SRGAP1: variants seen among roughly 807,000 people sequenced by gnomAD.
The protein encoded by SRGAP1 is SLIT-ROBO Rho GTPase activating protein 1, also known as SLIT-ROBO Rho GTPase-activating protein 1.
In SRGAP1, 43 loss-of-function variants were observed where a neutral mutation model predicts 121.9. The observed-to-expected ratio is 0.35, with a 90% CI of 0.28 to 0.46. The LOEUF (loss-of-function observed/expected upper bound fraction) is 0.46, where lower values mean the gene tolerates loss of function less well. SRGAP1 is among the 20% of genes least tolerant of loss of function. SRGAP1 has a pLI of 1.00. For missense variants in SRGAP1, 1,102 were observed against 1,350.9 expected (o/e 0.82, Z 2.89); for synonymous variants, 447 against 485.4 (o/e 0.92, Z 1.04).
chr12:63,856,147 C>A (rs113952959), intron 1 of SRGAP1, among the ~76,000 whole-genome samples: 43,051 of 151,820 alleles, frequency 0.28, 7,043 homozygotes, highest in East Asian at 0.55. Context: ...AATCCCAGCT[C>A]CTTGGGAGGC....
At chr12:63,893,509 A>G (rs1900654232) in intron 1 of SRGAP1, among the ~76,000 whole-genome samples, 1 of 152,210 alleles carries the variant, frequency 6.6e-6, no homozygotes, top group Non-Finnish European at 1.5e-5. Flanking sequence ...TCTCAGCTAC[A>G]GTCACCAAAT....
At chr12:63,872,889 A>G (rs1899901297) in intron 1 of SRGAP1, among the ~76,000 whole-genome samples, 1 of 152,222 alleles carries the variant, frequency 6.6e-6, no homozygotes, top group Admixed American at 6.5e-5. Context: ...GAAGAAATTC[A>G]TTCTGCCTGG....
chr12:63,959,361 G>A (rs2136377224), intron 1 of SRGAP1, among the ~76,000 whole-genome samples: 1 of 152,134 alleles, frequency 6.6e-6, no homozygotes, highest in Admixed American at 6.5e-5. Context: ...CAGTATTGGT[G>A]CCAGGACAGC....
rs536625324 is a variant in SRGAP1 at position 64,133,048 on chromosome 12, C to A, written c.2880+4848C>A. On this transcript the variant is annotated intron_variant, in intron 21 of 21. Transcript: ENST00000355086. ...TGGAGTCACCACTTGGTTAAGCTTA[C>A]AATAATCCACTGTCATTCTCCAGAA... Among the ~76,000 whole-genome samples, 189 of 152,300 alleles carry A rather than the reference C, an allele frequency of 1.2e-3. 2 individuals carry two copies. The highest frequency in any genetic ancestry group is 4.4e-3 in the African/African-American group (184 of 41,560).
intron 8 of SRGAP1, among the ~76,000 whole-genome samples, chr12:64,076,472 G>A (rs1266574955): frequency 6.6e-6 from 1 of 152,142 alleles, no homozygotes; most frequent in Non-Finnish European, 1.5e-5. Flanking sequence ...TAAGAAAGCA[G>A]TGGGTGAGTT....
At chr12:64,040,719 G>A (rs1378778) in intron 4 of SRGAP1, among the ~76,000 whole-genome samples, 87,388 of 151,910 alleles carry the variant, frequency 0.58, 25,639 homozygotes, top group South Asian at 0.67. Context: ...CGATTTATAG[G>A]TACCGTTATA....
chr12:63,889,767 G>C (rs1565937898), intron 1 of SRGAP1, among the ~76,000 whole-genome samples: 2 of 152,110 alleles, frequency 1.3e-5, no homozygotes, highest in African/African-American at 2.4e-5. Flanking sequence ...AATTAGCCGG[G>C]TGTGGTGTGA....
At chr12:64,058,086 A>G (rs1208967015) in intron 6 of SRGAP1, among the ~76,000 whole-genome samples, 1 of 152,198 alleles carries the variant, frequency 6.6e-6, no homozygotes, top group Admixed American at 6.5e-5. Context: ...GTTATACCTA[A>G]CATTACACAT....
At chr12:64,037,713 A>C (rs2034929666) in intron 4 of SRGAP1, among the ~76,000 whole-genome samples, 1 of 152,126 alleles carries the variant, frequency 6.6e-6, no homozygotes, top group Non-Finnish European at 1.5e-5. Context: ...CCTTATTAGA[A>C]CTTTGCTTGT....
chr12:63,862,840 T>G (rs922595055), intron 1 of SRGAP1, among the ~76,000 whole-genome samples: 8 of 152,190 alleles, frequency 5.3e-5, no homozygotes, highest in Admixed American at 1.3e-4. Flanking sequence ...CAAGTACCAT[T>G]TAGTTGAATT....
intron 3 of SRGAP1, among the ~76,000 whole-genome samples, chr12:64,001,174 T>TAA (rs1334089003): frequency 6.6e-6 from 1 of 152,136 alleles, no homozygotes; most frequent in African/African-American, 2.4e-5. Context: ...GTCTTATATA[T>TAA]AATATTAAAT....
intron 3 of SRGAP1, among the ~76,000 whole-genome samples, chr12:64,008,825 C>T (rs990540028): frequency 2.6e-5 from 4 of 152,112 alleles, no homozygotes; most frequent in Admixed American, 1.3e-4. Context: ...GAGCAAATTT[C>T]CTGCTTGTTG....
chr12:63,931,154 A>C (rs1239891053), intron 1 of SRGAP1, among the ~76,000 whole-genome samples: 5 of 152,216 alleles, frequency 3.3e-5, no homozygotes, highest in Non-Finnish European at 7.3e-5. Context: ...AGTTTTGGCC[A>C]GATGATTCAC....
Position 63,861,303 on chromosome 12 carries a change from T to TATATATATA in SRGAP1, c.67+16420_67+16421insATATATATA, listed in dbSNP as rs528177943. Among the ~76,000 whole-genome samples the TATATATATA allele has an allele frequency of 1.9e-3, 228 of 120,930 alleles. 2 individuals are homozygous for TATATATATA. In the East Asian group the frequency reaches 0.02, roughly 10 times the overall value. The allele number at this position is 120,930 out of a possible 152,430, so 79.3% of individuals were successfully genotyped here. ...GATGGTAGGCATATATATATATATATTTTTTTTTTTTTTTGAGGCAAAGTC... is the reference window on the plus strand; with the variant it reads ...GATGGTAGGCATATATATATATATATATATATATATTTTTTTTTTTTTTGAGGCAAAGTC... On this transcript the variant is annotated intron_variant, in intron 1 of 21. Coordinates refer to ENST00000355086, the MANE Select transcript of SRGAP1 (RefSeq NM_020762.4).
At chr12:63,887,024 C>T (rs550207104) in intron 1 of SRGAP1, among the ~76,000 whole-genome samples, 147 of 152,236 alleles carry the variant, frequency 9.7e-4, no homozygotes, top group Middle Eastern at 3.4e-3. Context: ...CAGGCATCCG[C>T]CACCATGCCT....
chr12:64,076,644 G>GA (rs199559819), intron 8 of SRGAP1, among the ~76,000 whole-genome samples: 4 of 151,512 alleles, frequency 2.6e-5, no homozygotes, highest in Non-Finnish European at 4.4e-5. Context: ...CTCCCAGAAA[G>GA]AAAAAAAAAT....
At chr12:63,972,608 G>A (rs1368283794) in intron 1 of SRGAP1, among the ~76,000 whole-genome samples, 1 of 152,130 alleles carries the variant, frequency 6.6e-6, no homozygotes, top group Non-Finnish European at 1.5e-5. Context: ...CCTACTATGT[G>A]TTCTGTGGAA....
At chr12:63,903,784 G>A (rs1010312528) in intron 1 of SRGAP1, among the ~76,000 whole-genome samples, 5 of 151,678 alleles carry the variant, frequency 3.3e-5, no homozygotes, top group South Asian at 2.1e-4. Flanking sequence ...ACGGGCGCCC[G>A]CCTCCACACC....
intron 1 of SRGAP1, among the ~76,000 whole-genome samples, chr12:63,875,423 G>A (rs1462092613): frequency 6.6e-6 from 1 of 152,104 alleles, no homozygotes; most frequent in African/African-American, 2.4e-5. Context: ...TAGAATTTTT[G>A]TGTTCTTATG....
Sources: gnomAD v4.1 joint callset for allele counts (sites outside exome capture counted in the v4.1 genomes callset) on GRCh38, gnomAD v4.1.1 for gene constraint, MANE v1.5 for transcripts, NCBI Gene and HGNC (gene_info 2026-07-23, HGNC 2026-07-21) for gene names.